FMNL2: variants seen among roughly 807,000 people sequenced by gnomAD.
The protein encoded by FMNL2 is formin-like protein 2.
FMNL2 carries 51 observed loss-of-function variants against 130.2 expected under a neutral mutation model. The ratio of observed to expected loss-of-function variants is 0.39; its 90% CI spans 0.31 to 0.49. The LOEUF (loss-of-function observed/expected upper bound fraction) is 0.49. Among genes scored for constraint, FMNL2 ranks in the 20% least tolerant of loss-of-function variants. The pLI, the probability that FMNL2 is intolerant of heterozygous loss-of-function variation, is 0.85. For missense variants in FMNL2, 977 were observed against 1,316.2 expected (o/e 0.74, Z 3.99); for synonymous variants, 465 against 467.1 (o/e 1.00, Z 0.06).
In FMNL2 at chr2:152,436,783, G is replaced by A. The variant is rs547537737; in HGVS notation, c.118-85160G>A. The stretch of plus-strand genomic sequence containing the variant: ...TGGCCTGGTAAATGTAGTCCTTGGC[G>A]GAAAGCTCCTCTCCAGTGATAAGTT... On this transcript the variant is annotated intron_variant, in intron 1 of 25. Transcript: ENST00000288670. Among the ~76,000 whole-genome samples, 3 of 152,268 alleles carry A rather than the reference G, an allele frequency of 2.0e-5. No homozygotes were observed. The South Asian group carries it at 6.2e-4, about 32-fold the overall frequency.
chr2:152,397,236 A>G (rs1270012180), intron 1 of FMNL2, among the ~76,000 whole-genome samples: 7 of 152,198 alleles, frequency 4.6e-5, no homozygotes, highest in African/African-American at 1.4e-4. Flanking sequence ...AAGAACTTCA[A>G]TGTGAAGAAT....
intron 1 of FMNL2, among the ~76,000 whole-genome samples, chr2:152,488,417 G>A (rs987072576): frequency 2.0e-5 from 3 of 152,220 alleles, no homozygotes; most frequent in Non-Finnish European, 4.4e-5. Flanking sequence ...AGACACACGA[G>A]CAATACTTGC....
chr2:152,403,529 C>T (rs1685821409), intron 1 of FMNL2, among the ~76,000 whole-genome samples: 1 of 151,372 alleles, frequency 6.6e-6, no homozygotes, highest in South Asian at 2.1e-4. Context: ...CCTTACTTGG[C>T]TTCTGTGTCC....
At chr2:152,388,928 A>G (rs1684943015) in intron 1 of FMNL2, among the ~76,000 whole-genome samples, 3 of 152,220 alleles carry the variant, frequency 2.0e-5, no homozygotes, top group African/African-American at 4.8e-5. Context: ...AGTCCTCACT[A>G]AAAACAATGA....
At chr2:152,488,749 C>T (rs1690977838) in intron 1 of FMNL2, among the ~76,000 whole-genome samples, 1 of 152,204 alleles carries the variant, frequency 6.6e-6, no homozygotes. Flanking sequence ...TGGCTGGAAT[C>T]AGTTGGCAAG....
At chr2:152,354,525 TATTA>T (rs1326512206) in intron 1 of FMNL2, among the ~76,000 whole-genome samples, 1 of 152,192 alleles carries the variant, frequency 6.6e-6, no homozygotes, top group Non-Finnish European at 1.5e-5. Flanking sequence ...GAAGGTTCTA[TATTA>T]ATCTGTTTGG....
intron 1 of FMNL2, among the ~76,000 whole-genome samples, chr2:152,347,090 C>A (rs200867905): frequency 6.7e-6 from 1 of 148,388 alleles, no homozygotes; most frequent in African/African-American, 2.5e-5. Context: ...TATTCCGTCT[C>A]AAAAAAAAAA....
At chr2:152,429,889 A>G (rs1003412477) in intron 1 of FMNL2, among the ~76,000 whole-genome samples, 1 of 152,194 alleles carries the variant, frequency 6.6e-6, no homozygotes, top group African/African-American at 2.4e-5. Flanking sequence ...TTGCTTATTC[A>G]GCTCAACAAT....
intron 2 of FMNL2, among the ~76,000 whole-genome samples, chr2:152,541,952 G>T (rs948644131): frequency 6.6e-6 from 1 of 151,874 alleles, no homozygotes; most frequent in African/African-American, 2.4e-5. Flanking sequence ...TGGACATTAG[G>T]GTCTATAAAA....
chr2:152,422,993 TGAA>T (rs772325598), intron 1 of FMNL2, among the ~76,000 whole-genome samples: 35 of 152,362 alleles, frequency 2.3e-4, no homozygotes, highest in South Asian at 1.9e-3. Flanking sequence ...TAGCTGGCTA[TGAA>T]GAAGAAGAAA....
chr2:152,624,781 G>A (rs35937874), intron 15 of FMNL2, among the ~76,000 whole-genome samples: 20,890 of 152,178 alleles, frequency 0.14, 1,640 homozygotes, highest in Middle Eastern at 0.26. Context: ...AGGCTGCAGC[G>A]AGCCATGATT....
chr2:152,594,232 A>G lies in FMNL2; in HGVS notation c.877-13107A>G, dbSNP rs184809450. 3.3e-5 allele frequency among the ~76,000 whole-genome samples: 5 copies of G among 152,354 alleles called. No individual in the cohort carries two copies. The East Asian group carries it at 9.6e-4, about 29-fold the overall frequency. ...AAACTTTGTGTACACATGCCTATGTATGTAACATGTATTGTGTGTACCTAT... is the reference window on the plus strand; with the variant it reads ...AAACTTTGTGTACACATGCCTATGTGTGTAACATGTATTGTGTGTACCTAT... On this transcript the variant is annotated intron_variant, in intron 9 of 25. Transcript: ENST00000288670.
chr2:152,592,949 T>C (rs960452533), intron 9 of FMNL2, among the ~76,000 whole-genome samples: 2 of 152,072 alleles, frequency 1.3e-5, no homozygotes, highest in African/African-American at 4.8e-5. Context: ...AAATTACTGG[T>C]AAAATTCAGA....
At chr2:152,634,358 G>A (rs542608938) in intron 21 of FMNL2, among the ~76,000 whole-genome samples, 12 of 152,302 alleles carry the variant, frequency 7.9e-5, no homozygotes, top group African/African-American at 2.2e-4. Flanking sequence ...GCTTGAACCC[G>A]GGAGGCAGAG....
chr2:152,553,791 T>C (rs775505305), intron 4 of FMNL2, among the ~76,000 whole-genome samples: 7 of 151,818 alleles, frequency 4.6e-5, no homozygotes, highest in African/African-American at 1.5e-4. Context: ...TTATGAAAAA[T>C]ATTCTTCAAA....
intron 9 of FMNL2, among the ~76,000 whole-genome samples, chr2:152,604,253 C>T (rs1314437787): frequency 6.6e-6 from 1 of 150,942 alleles, no homozygotes; most frequent in African/African-American, 2.4e-5. Flanking sequence ...CATCGGGGAC[C>T]TGGTTCTAGC....
intron 1 of FMNL2, among the ~76,000 whole-genome samples, chr2:152,514,693 A>G (rs1040282203): frequency 6.6e-6 from 1 of 152,184 alleles, no homozygotes; most frequent in African/African-American, 2.4e-5. Context: ...GAAATTAGCA[A>G]TAAGTAATCA....
At chr2:152,410,591 A>G (rs187094264) in intron 1 of FMNL2, among the ~76,000 whole-genome samples, 32 of 152,296 alleles carry the variant, frequency 2.1e-4, no homozygotes, top group African/African-American at 7.0e-4. Context: ...TGCTAGCTAA[A>G]TCTTGAATTT....
At chr2:152,579,344 G>A (rs147181307) in intron 8 of FMNL2, among the ~76,000 whole-genome samples, 13 of 147,704 alleles carry the variant, frequency 8.8e-5, no homozygotes, top group East Asian at 6.1e-4. Flanking sequence ...ACCATCCTTC[G>A]TCTACACTTC....
Sources: allele counts gnomAD v4.1 joint callset (sites outside exome capture counted in the v4.1 genomes callset), GRCh38; gene constraint gnomAD v4.1.1; transcripts MANE v1.5; gene names NCBI Gene and HGNC (gene_info 2026-07-23, HGNC 2026-07-21).